The following DHX35 variants were observed in gnomAD, a reference collection of about 807,000 sequenced individuals.
DHX35 encodes the protein DEAH-box helicase 35.
Under a neutral mutation model 99.6 loss-of-function variants are expected in DHX35, and 84 were observed. That is an observed-to-expected ratio of 0.84 (90% CI 0.71 to 1.01). DHX35 has a LOEUF of 1.01. Among genes scored for constraint, DHX35 ranks in the 50% least tolerant of loss-of-function variants. The pLI, the probability that DHX35 is intolerant of heterozygous loss-of-function variation, is 0.00. For missense variants in DHX35, 852 were observed against 888.5 expected, an observed-to-expected ratio of 0.96 and a Z score of 0.52; for synonymous variants, 331 against 316.2, an observed-to-expected ratio of 1.05 and a Z score of -0.50.
chr20:38,972,694 T>C, intron 3 of DHX35, 43 bp downstream of exon 3: 1 of 1,426,190 alleles, frequency 7.0e-7, no homozygotes, highest in Non-Finnish European at 9.8e-7. Context: ...TCGATTTGGC[T>C]GGAAGAATTT....
In DHX35 at chr20:39,001,784, T is replaced by C. The variant is rs139577021; in HGVS notation, c.697T>C (p.Cys233Arg). 2.0e-5 allele frequency: 33 copies of C among 1,613,920 alleles called. No homozygotes were observed. In the African/African-American group the frequency reaches 3.6e-4, roughly 18 times the overall value. ...AACCAGTGATCCAGCAAGGGATACA[T>C]GTGTGATCCTTACAGTGGAAGGGAG... ...NETSDPARDT[C>R]VILTVEGRTF... Residue 233 changes from cysteine (C) to arginine (R), a missense_variant, in exon 9 of 22, where the codon TGT (cysteine) becomes CGT (arginine). By Grantham distance (180) the Cys-to-Arg change is radical. Transcript: ENST00000252011.
chr20:38,969,470 T>C (rs1166348763), intron 2 of DHX35, among the ~76,000 whole-genome samples: 4 of 152,252 alleles, frequency 2.6e-5, no homozygotes, highest in African/African-American at 9.6e-5. Context: ...TTTTCCCCTT[T>C]ATTCCTTTCA....
chr20:38,988,908 G>C lies in DHX35; in HGVS notation c.441G>C (p.Thr147=). ...ATGACTGCACCGACCAGCTGGCCAC[G>C]AGAATTAAGGTAAAGTGCTCAAGCT... ...RFDDCTDQLA[T]RIKFLTDGML... Residue 147 remains threonine, a synonymous_variant, in exon 5 of 22, where the codon ACG becomes ACC. Coordinates refer to ENST00000252011, the MANE Select transcript of DHX35 (RefSeq NM_021931.4). 2 of 1,612,640 alleles carry C rather than the reference G, an allele frequency of 1.2e-6. No individual in the cohort carries two copies. The highest frequency in any genetic ancestry group is 1.7e-6 in the Non-Finnish European group (2 of 1,178,986).
chr20:38,964,541 C>T (rs1324778031), intron 1 of DHX35, among the ~76,000 whole-genome samples: 1 of 152,102 alleles, frequency 6.6e-6, no homozygotes, highest in Admixed American at 6.5e-5. Flanking sequence ...AGCGATTCTC[C>T]TGCCTCAGCC....
chr20:38,985,395 A>AG (rs1326906078), intron 4 of DHX35, among the ~76,000 whole-genome samples: 29 of 146,422 alleles, frequency 2.0e-4, no homozygotes, highest in Admixed American at 7.6e-4. Context: ...AAAAAAAAAA[A>AG]GGCTTAAAGA....
intron 12 of DHX35, among the ~76,000 whole-genome samples, chr20:39,008,328 G>A (rs1286873768): frequency 1.3e-5 from 2 of 152,224 alleles, no homozygotes; most frequent in Non-Finnish European, 2.9e-5. Flanking sequence ...ATTGTGAATA[G>A]TGCTGGTATG....
chr20:38,991,695 A>G (rs1247466373), intron 6 of DHX35, among the ~76,000 whole-genome samples, 180 bp downstream of exon 6: 1 of 152,166 alleles, frequency 6.6e-6, no homozygotes, highest in Non-Finnish European at 1.5e-5. Context: ...ATGGCCCTTT[A>G]CAGACACTCA....
chr20:39,029,636 C>G (rs1356209812), intron 19 of DHX35: 1 of 152,108 alleles, frequency 6.6e-6, no homozygotes, highest in African/African-American at 2.4e-5. Flanking sequence ...GGCCCGAGAT[C>G]TTCCCTAAGG....
chr20:39,037,711 C>T (rs1332253444), intron 21 of DHX35, among the ~76,000 whole-genome samples: 5 of 152,046 alleles, frequency 3.3e-5, no homozygotes, highest in South Asian at 2.1e-4. Context: ...AATGGGCTGT[C>T]GGGTATATCC....
In DHX35 at chr20:38,962,413, G is replaced by C. The variant is rs1477270201; in HGVS notation, c.40+6G>C. 1 of 1,612,434 alleles carries C rather than the reference G, an allele frequency of 6.2e-7. No homozygotes were observed. Among genetic ancestry groups the C allele is most frequent in the East Asian group, 2.2e-5 (1 of 44,790 alleles). On this transcript the variant is annotated splice_donor_region_variant and intron_variant, in intron 1 of 21. Coordinates refer to ENST00000252011, the MANE Select transcript of DHX35 (RefSeq NM_021931.4). ...GGTGAAGTTCTGGCGACCCGGTAAG[G>C]CCCTTGGTGGAACGCTGGGCAGATG...
intron 18 of DHX35, among the ~76,000 whole-genome samples, chr20:39,025,682 T>A (rs2086946138): frequency 6.6e-6 from 1 of 152,222 alleles, no homozygotes. Flanking sequence ...GAAAAATTAC[T>A]TTTTGATCAG....
chr20:38,983,165 T>C (rs187684080), intron 3 of DHX35, among the ~76,000 whole-genome samples: 2 of 152,294 alleles, frequency 1.3e-5, no homozygotes, highest in Admixed American at 6.5e-5. Flanking sequence ...GTGATCTGCC[T>C]ACCTCAGCCT....
chr20:38,972,004 GTTT>G (rs752049458), intron 2 of DHX35, among the ~76,000 whole-genome samples: 3,992 of 80,950 alleles, frequency 0.049, 116 homozygotes, highest in African/African-American at 0.18. Flanking sequence ...GTTTTGTTTT[GTTT>G]TTTTTTTTTT....
chr20:39,031,773 A>G (rs1477364505), intron 20 of DHX35, among the ~76,000 whole-genome samples: 1 of 152,188 alleles, frequency 6.6e-6, no homozygotes, highest in Non-Finnish European at 1.5e-5. Context: ...CATGGAGGAG[A>G]TAACATTCAT....
At chr20:39,023,021 T>G (rs1346826154) in intron 16 of DHX35, among the ~76,000 whole-genome samples, 3 of 152,178 alleles carry the variant, frequency 2.0e-5, no homozygotes, top group Non-Finnish European at 4.4e-5. Context: ...TAACTATAGA[T>G]TACAAAGTTT....
At chr20:38,974,279 G>A (rs2086044052) in intron 3 of DHX35, among the ~76,000 whole-genome samples, 1 of 152,222 alleles carries the variant, frequency 6.6e-6, no homozygotes, top group Admixed American at 6.5e-5. Context: ...GTGTAACGGG[G>A]TCCTCAACCA....
rs918604865 is a variant in DHX35, at chr20:39,025,126, C to T, written c.1672-104C>T. 1.7e-5 allele frequency: 23 copies of T among 1,324,030 alleles called. No individual in the cohort carries two copies. The Admixed American group carries it at 2.7e-4, about 16-fold the overall frequency. 82.0% of individuals were successfully genotyped at this position (1,324,030 alleles called of 1,614,324 possible). On this transcript the variant is annotated intron_variant, in intron 17 of 21. Coordinates refer to ENST00000252011, the MANE Select transcript of DHX35 (RefSeq NM_021931.4). ...CAGTTCCCATCTTTAGATCTTATGC[C>T]GTTGAACAGCACATGGGGGAAGAGA...
At position 39,028,408 on chromosome 20, in the gene DHX35, G is replaced by A; in HGVS notation, c.1802-10G>A. 6.2e-7 allele frequency: 1 copy of A among 1,614,182 alleles called. No homozygotes were observed. Among genetic ancestry groups the A allele is most frequent in the Non-Finnish European group, 8.5e-7 (1 of 1,180,014 alleles). On this transcript the variant is annotated splice_polypyrimidine_tract_variant and intron_variant, in intron 18 of 21. Transcript: ENST00000252011. ...GGTTTCACCCGCCTCTCTGTTGGCT[G>A]CCTATGTAGGTGACCCGGATCTGGT... is the stretch of plus-strand genomic sequence containing the variant.
chr20:38,982,942 T>G (rs1308823062), intron 3 of DHX35, among the ~76,000 whole-genome samples: 1 of 151,748 alleles, frequency 6.6e-6, no homozygotes, highest in Non-Finnish European at 1.5e-5. Flanking sequence ...TTTTTTTTTT[T>G]TGAGACAGAA....
Sources: gnomAD v4.1 joint callset for allele counts (sites outside exome capture counted in the v4.1 genomes callset) on GRCh38, gnomAD v4.1.1 for gene constraint, MANE v1.5 for transcripts, NCBI Gene and HGNC (gene_info 2026-07-23, HGNC 2026-07-21) for gene names.